The following MYO16 variants were observed in gnomAD, a reference collection of about 807,000 sequenced individuals.
MYO16 encodes unconventional myosin-XVI.
A neutral mutation model predicts 205.3 loss-of-function variants in MYO16; 94 were observed. That is an observed-to-expected ratio of 0.46 (90% confidence interval 0.39 to 0.54). MYO16 has a LOEUF of 0.54. Among genes scored for constraint, MYO16 ranks in the 20% least tolerant of loss-of-function variants. The probability of loss-of-function intolerance (pLI) is 0.00; values close to 1 mark genes in which losing one functional copy is unlikely to be tolerated. For missense variants in MYO16, 2,315 were observed against 2,387.5 expected, an observed-to-expected ratio of 0.97 and a Z score of 0.63; for synonymous variants, 988 against 954.0, an observed-to-expected ratio of 1.04 and a Z score of -0.66.
chr13:109,048,951 T>C (rs1279293668), intron 24 of MYO16: 2 of 59,772 alleles, frequency 3.3e-5, no homozygotes, highest in African/African-American at 1.5e-4. Flanking sequence ...TCTACTTCAC[T>C]CAAAAGGAGG....
At chr13:109,022,685 A>ATC (rs1566466640) in intron 23 of MYO16, among the ~76,000 whole-genome samples, 3 of 52,526 alleles carry the variant, frequency 5.7e-5, no homozygotes, top group East Asian at 6.0e-4. Flanking sequence ...TACACATATA[A>ATC]ACATGTATAT....
At chr13:109,173,632 A>G (rs1879009621) in intron 33 of MYO16, among the ~76,000 whole-genome samples, 1 of 152,016 alleles carries the variant, frequency 6.6e-6, no homozygotes, top group Non-Finnish European at 1.5e-5. Context: ...GCGGTGGCTC[A>G]CGCCTGTAAC....
chr13:109,063,292 T>C (rs769772926), intron 27 of MYO16, among the ~76,000 whole-genome samples: 4 of 152,198 alleles, frequency 2.6e-5, no homozygotes, highest in Non-Finnish European at 5.9e-5. Flanking sequence ...CAATATTTTT[T>C]TCTGTTTATT....
chr13:108,648,017 A>G (rs1880829526), intron 1 of MYO16, among the ~76,000 whole-genome samples: 2 of 152,202 alleles, frequency 1.3e-5, no homozygotes, highest in South Asian at 2.1e-4. Flanking sequence ...GTATTCATGA[A>G]GTTTATGGTC....
chr13:108,507,383 G>A, the MYO16 span, among the ~76,000 whole-genome samples: 1 of 151,806 alleles, frequency 6.6e-6, no homozygotes, highest in South Asian at 2.1e-4. Flanking sequence ...GGGCAGTTTT[G>A]CCACATATAA....
intron 16 of MYO16, among the ~76,000 whole-genome samples, chr13:108,938,548 C>A (rs1882587587): frequency 6.6e-6 from 1 of 152,212 alleles, no homozygotes; most frequent in Non-Finnish European, 1.5e-5. Context: ...CCCCCAAGTT[C>A]TCTGCAGAGA....
chr13:109,004,865 G>A (rs1032068440), intron 21 of MYO16, among the ~76,000 whole-genome samples: 1 of 152,140 alleles, frequency 6.6e-6, no homozygotes, highest in East Asian at 1.9e-4. Flanking sequence ...TATTCAAATC[G>A]TATTTGCCTT....
At chr13:109,163,454 CCCTTCCTT>C (rs139385635) in intron 32 of MYO16, among the ~76,000 whole-genome samples, 2 of 138,090 alleles carry the variant, frequency 1.4e-5, no homozygotes, top group South Asian at 4.8e-4. Context: ...ATGGAACCTT[CCCTTCCTT>C]CCTTCCTTCC....
At chr13:108,688,584 A>G (rs755982663) in intron 2 of MYO16, among the ~76,000 whole-genome samples, 16 of 152,168 alleles carry the variant, frequency 1.1e-4, no homozygotes, top group Non-Finnish European at 1.9e-4. Context: ...TGAGTCTGTC[A>G]GGAACAGACT....
Position 108,727,517 on chromosome 13 carries a change from C to T in MYO16, c.441C>T (p.Asp147=), listed in dbSNP as rs998238434. The change falls in exon 4 of 35, where the codon GAC becomes GAT. Residue 147 remains aspartate, a synonymous_variant. Coordinates refer to ENST00000457511, the MANE Select transcript of MYO16 (RefSeq NM_001198950.3). Reference sequence around the variant, plus strand: ...TCAACGTCAACCACCAGGATGAAGACTTCTGGACGCCCATGCACATTGCCT... The same window carrying T: ...TCAACGTCAACCACCAGGATGAAGATTTCTGGACGCCCATGCACATTGCCT... ...RGVNVNHQDE[D]FWTPMHIACA... is the part of the protein sequence containing the mutation. The T allele has an allele frequency of 1.2e-6, 2 of 1,613,966 alleles. No homozygotes were observed. Among genetic ancestry groups the T allele is most frequent in the Non-Finnish European group, 1.7e-6 (2 of 1,179,998 alleles).
At chr13:108,526,217 G>T in the MYO16 span, among the ~76,000 whole-genome samples, 6 of 152,150 alleles carry the variant, frequency 3.9e-5, no homozygotes, top group Non-Finnish European at 8.8e-5. Context: ...TTTAGACTAC[G>T]CATGCATTTG....
intron 32 of MYO16, among the ~76,000 whole-genome samples, chr13:109,148,953 T>G (rs1810810644): frequency 6.6e-6 from 1 of 152,092 alleles, no homozygotes; most frequent in Non-Finnish European, 1.5e-5. Context: ...CTTCAGGGTG[T>G]GTGGTTCCTT....
chr13:108,552,697 C>G, the MYO16 span, among the ~76,000 whole-genome samples: 4 of 152,208 alleles, frequency 2.6e-5, no homozygotes, highest in South Asian at 2.1e-4. Flanking sequence ...CATGACTTCA[C>G]TCCTTCCTCC....
the MYO16 span, among the ~76,000 whole-genome samples, chr13:108,574,529 A>T: frequency 6.6e-6 from 1 of 152,146 alleles, no homozygotes. Context: ...AACAGGAAGA[A>T]CTCTTATCTC....
chr13:108,773,987 A>G (rs1316453866), intron 4 of MYO16, among the ~76,000 whole-genome samples: 1 of 152,082 alleles, frequency 6.6e-6, no homozygotes, highest in African/African-American at 2.4e-5. Context: ...AGCCCTTGGG[A>G]GTCTGTGGCA....
intron 6 of MYO16, among the ~76,000 whole-genome samples, chr13:108,799,865 G>A (rs1886915931): frequency 6.6e-6 from 1 of 152,198 alleles, no homozygotes; most frequent in Admixed American, 6.5e-5. Flanking sequence ...CTGAAGTTAA[G>A]AGGAAGAAGA....
At chr13:108,599,639 G>A (rs1433216402) in intron 1 of MYO16, among the ~76,000 whole-genome samples, 1 of 150,956 alleles carries the variant, frequency 6.6e-6, no homozygotes, top group Non-Finnish European at 1.5e-5. Flanking sequence ...CAGTGAAGAA[G>A]TAGAGCTATC....
intron 2 of MYO16, among the ~76,000 whole-genome samples, chr13:108,672,561 G>T (rs749987982): frequency 6.6e-6 from 1 of 151,976 alleles, no homozygotes; most frequent in Non-Finnish European, 1.5e-5. Flanking sequence ...TTTTGTCAGT[G>T]TAAATTTAGT....
At chr13:108,599,542 T>G (rs887740091) in intron 1 of MYO16, among the ~76,000 whole-genome samples, 1 of 152,154 alleles carries the variant, frequency 6.6e-6, no homozygotes, top group Non-Finnish European at 1.5e-5. Context: ...GTATCAGTCA[T>G]AGGTCACAGT....
Sources: allele counts gnomAD v4.1 joint callset (sites outside exome capture counted in the v4.1 genomes callset), GRCh38; gene constraint gnomAD v4.1.1; transcripts MANE v1.5; gene names NCBI Gene and HGNC (gene_info 2026-07-23, HGNC 2026-07-21).